The following NRG3 variants were observed in gnomAD, a reference collection of about 807,000 sequenced individuals.
NRG3 encodes the protein neuregulin 3.
A neutral mutation model predicts 66.9 loss-of-function variants in NRG3; 31 were observed. The observed-to-expected ratio is 0.46, with a 90% CI of 0.35 to 0.63. NRG3 has a LOEUF of 0.63. Ranked by LOEUF, NRG3 falls within the 20% of genes least tolerant of loss-of-function variation. The pLI is 0.00. For synonymous variants in NRG3, 393 were observed against 359.4 expected, an observed-to-expected ratio of 1.09 and a Z score of -1.06; for missense variants, 910 against 878.9, an observed-to-expected ratio of 1.04 and a Z score of -0.45.
chr10:82,198,671 C>T (rs192195836), intron 1 of NRG3, among the ~76,000 whole-genome samples: 103 of 152,188 alleles, frequency 6.8e-4, no homozygotes, highest in African/African-American at 2.5e-3. Context: ...AACATCAGTT[C>T]GTGCAAGGCT....
chr10:82,599,674 C>T (rs925554161), intron 2 of NRG3, among the ~76,000 whole-genome samples: 3 of 151,824 alleles, frequency 2.0e-5, no homozygotes, highest in Non-Finnish European at 2.9e-5. Context: ...AATAGTCGGG[C>T]GTGGTGGTGT....
At chr10:82,940,256 T>C (rs114141778) in intron 4 of NRG3, among the ~76,000 whole-genome samples, 174 of 152,246 alleles carry the variant, frequency 1.1e-3, no homozygotes, top group African/African-American at 4.2e-3. Context: ...AATTCTTTTG[T>C]TTTCCAGTTC....
intron 2 of NRG3, among the ~76,000 whole-genome samples, chr10:82,636,241 C>CTGTG (rs1028118030): frequency 1.1e-4 from 15 of 142,094 alleles, no homozygotes; most frequent in East Asian, 4.0e-4. Flanking sequence ...GTGTGTGTGT[C>CTGTG]TGTGTGTGTG....
chr10:82,880,400 T>C (rs910958764), intron 4 of NRG3, among the ~76,000 whole-genome samples: 1 of 152,136 alleles, frequency 6.6e-6, no homozygotes, highest in Non-Finnish European at 1.5e-5. Context: ...AGAAAGTTAG[T>C]CTTTTAAAAA....
intron 1 of NRG3, among the ~76,000 whole-genome samples, chr10:82,096,734 T>C (rs2066369004): frequency 6.6e-6 from 1 of 152,006 alleles, no homozygotes; most frequent in Non-Finnish European, 1.5e-5. Context: ...CCACAGCCAA[T>C]GAACATACAA....
At chr10:82,511,480 C>A (rs1300230599) in intron 2 of NRG3, among the ~76,000 whole-genome samples, 1 of 152,148 alleles carries the variant, frequency 6.6e-6, no homozygotes, top group African/African-American at 2.4e-5. Flanking sequence ...GTTGTCACTC[C>A]TTGTTACTCA....
At chr10:82,257,273 G>GA (rs900308397) in intron 1 of NRG3, among the ~76,000 whole-genome samples, 3 of 151,822 alleles carry the variant, frequency 2.0e-5, no homozygotes, top group Admixed American at 6.6e-5. Context: ...GGAGAATGGG[G>GA]AAAAAAAACT....
At chr10:82,299,783 A>T (rs2080287890) in intron 1 of NRG3, among the ~76,000 whole-genome samples, 1 of 152,164 alleles carries the variant, frequency 6.6e-6, no homozygotes. Flanking sequence ...TATCAAAACC[A>T]CCAACGAGAA....
chr10:82,906,488 A>C lies in NRG3; in HGVS notation c.1054+41051A>C, dbSNP rs141227023. ...ACTTAATCATCTTTATCCAAAAAATATTTTAAAACAGCAACAGTTTGACAT... is the reference window on the plus strand; with the variant it reads ...ACTTAATCATCTTTATCCAAAAAATCTTTTAAAACAGCAACAGTTTGACAT... On this transcript the variant is annotated intron_variant, in intron 4 of 8. Coordinates refer to ENST00000372141, the MANE Select transcript of NRG3 (RefSeq NM_001010848.4). Among the ~76,000 whole-genome samples, 1,249 of 152,300 alleles carry C rather than the reference A, an allele frequency of 8.2e-3. 18 individuals are homozygous for C. Among genetic ancestry groups the C allele is most frequent in the African/African-American group, 0.028 (1,168 of 41,578 alleles).
intron 1 of NRG3, among the ~76,000 whole-genome samples, chr10:82,341,406 A>G (rs1021719888): frequency 1.3e-5 from 2 of 152,004 alleles, no homozygotes; most frequent in African/African-American, 4.8e-5. Context: ...AAATAATAAG[A>G]CTGTTGTGTG....
intron 1 of NRG3, among the ~76,000 whole-genome samples, chr10:82,195,618 TAC>T (rs1489879622): frequency 3.9e-4 from 60 of 152,268 alleles, no homozygotes; most frequent in African/African-American, 1.4e-3. Flanking sequence ...GCACCACAGA[TAC>T]CCATGCCCCA....
intron 2 of NRG3, among the ~76,000 whole-genome samples, chr10:82,530,715 A>G (rs1847163899): frequency 6.6e-6 from 1 of 151,986 alleles, no homozygotes; most frequent in African/African-American, 2.4e-5. Flanking sequence ...TGAATTAAAC[A>G]TGAATCCAAA....
At chr10:82,694,370 A>C (rs2055203719) in intron 2 of NRG3, among the ~76,000 whole-genome samples, 1 of 152,172 alleles carries the variant, frequency 6.6e-6, no homozygotes, top group Admixed American at 6.5e-5. Context: ...GGAACTTTTA[A>C]AAATTTGGGC....
chr10:81,896,760 AAGCAT>A (rs1488012634), intron 1 of NRG3, among the ~76,000 whole-genome samples: 2 of 152,022 alleles, frequency 1.3e-5, no homozygotes, highest in African/African-American at 4.8e-5. Flanking sequence ...TTACATGAAC[AAGCAT>A]GCCTGATTCC....
Position 82,952,999 on chromosome 10 carries a change from A to G in NRG3, c.1157+1428A>G, listed in dbSNP as rs1470918349. Among the ~76,000 whole-genome samples the G allele has an allele frequency of 1.3e-5, 2 of 152,006 alleles. 1 individual carries two copies. The highest frequency in any genetic ancestry group is 4.8e-5 in the African/African-American group (2 of 41,246). On this transcript the variant is annotated intron_variant, in intron 5 of 8. Coordinates refer to ENST00000372141, the MANE Select transcript of NRG3 (RefSeq NM_001010848.4). ...CTTACATTAGCATGGTACATTTGTC[A>G]CAATTAATGGAACAATATTGATATA...
chr10:82,234,094 TTC>T (rs1272239516), intron 1 of NRG3, among the ~76,000 whole-genome samples: 4 of 152,310 alleles, frequency 2.6e-5, no homozygotes, highest in Admixed American at 2.6e-4. Context: ...TCTCATTGAT[TTC>T]TAGCTGTATT....
chr10:82,106,826 C>A (rs1021940321), intron 1 of NRG3, among the ~76,000 whole-genome samples: 3 of 152,018 alleles, frequency 2.0e-5, no homozygotes, highest in African/African-American at 7.2e-5. Flanking sequence ...ATTTTTTATC[C>A]AGGGATCTAC....
chr10:82,405,454 G>GTTTTTTTTTT (rs779040062), intron 2 of NRG3, among the ~76,000 whole-genome samples: 2 of 139,920 alleles, frequency 1.4e-5, no homozygotes, highest in African/African-American at 2.9e-5. Context: ...GATCTCAGTA[G>GTTTTTTTTTT]TTTGTTTTTT....
intron 6 of NRG3, among the ~76,000 whole-genome samples, chr10:82,969,377 C>G (rs926728885): frequency 1.3e-5 from 2 of 152,316 alleles, no homozygotes; most frequent in South Asian, 2.1e-4. Context: ...ATTCATCTGA[C>G]TTTTTCCATG....
Sources: gnomAD v4.1 joint callset for allele counts (sites outside exome capture counted in the v4.1 genomes callset) on GRCh38, gnomAD v4.1.1 for gene constraint, MANE v1.5 for transcripts, NCBI Gene and HGNC (gene_info 2026-07-23, HGNC 2026-07-21) for gene names.